The following SMARCA4 variants were observed in gnomAD, a reference collection of about 807,000 sequenced individuals.
The protein encoded by SMARCA4 is SWI/SNF related BAF chromatin remodeling complex subunit ATPase 4, also known as SWI/SNF-related matrix-associated actin-dependent regulator of chromatin subfamily A member 4.
In SMARCA4, 31 loss-of-function variants were observed where a neutral mutation model predicts 193.9. The ratio of observed to expected loss-of-function variants is 0.16; its 90% confidence interval spans 0.12 to 0.22. The LOEUF (loss-of-function observed/expected upper bound fraction) is 0.22. Ranked by LOEUF, SMARCA4 falls within the 10% of genes least tolerant of loss-of-function variation. The probability of loss-of-function intolerance (pLI) is 1.00; values close to 1 mark genes in which losing one functional copy is unlikely to be tolerated. For synonymous variants in SMARCA4, 942 were observed against 933.1 expected, an observed-to-expected ratio of 1.01 and a Z score of -0.17; for missense variants, 1,148 against 2,296.0, an observed-to-expected ratio of 0.50 and a Z score of 10.22.
chr19:10,975,678 A>G (rs2085072582), intron 1 of SMARCA4, among the ~76,000 whole-genome samples: 1 of 152,116 alleles, frequency 6.6e-6, no homozygotes, highest in South Asian at 2.1e-4. Flanking sequence ...TTGCTGGGCA[A>G]TTGAGGAGCT....
At chr19:11,017,418 C>T (rs575527550) in intron 16 of SMARCA4, among the ~76,000 whole-genome samples, 3 of 152,388 alleles carry the variant, frequency 2.0e-5, no homozygotes, top group Admixed American at 1.3e-4. Flanking sequence ...CCCACTGCGC[C>T]CCACCTGGGC....
At chr19:11,059,447 A>G (rs1264192104) in intron 32 of SMARCA4, among the ~76,000 whole-genome samples, 1 of 152,248 alleles carries the variant, frequency 6.6e-6, no homozygotes, top group African/African-American at 2.4e-5. Context: ...TGTATTTCCA[A>G]TGTTATTGCA....
chr19:11,031,172 T>C lies in SMARCA4; in HGVS notation c.3546+279T>C, dbSNP rs1459393026. 5 of 465,140 alleles carry C rather than the reference T, an allele frequency of 1.1e-5. No individual in the cohort carries two copies. The highest frequency in any genetic ancestry group is 8.2e-5 in the South Asian group (4 of 48,498). 28.8% of individuals were successfully genotyped at this position (465,140 alleles called of 1,614,324 possible). A position where few individuals can be genotyped will look rare whatever the true frequency, so the allele number is the denominator to read the frequency against. On this transcript the variant is annotated intron_variant, in intron 25 of 34. Coordinates refer to ENST00000344626, the MANE Select transcript of SMARCA4 (RefSeq NM_003072.5). The surrounding 1 kb of genome is among the most constrained non-coding windows in gnomAD (Gnocchi z 4.3). ...TTCTTAAATCTTGGAATGGCACCCATGAGGAGGTGGAAAGTATCCTGATCA... is the reference window on the plus strand; with the variant it reads ...TTCTTAAATCTTGGAATGGCACCCACGAGGAGGTGGAAAGTATCCTGATCA...
chr19:11,035,272 C>T (rs894263069), intron 29 of SMARCA4, 140 bp downstream of exon 29: 1 of 819,582 alleles, frequency 1.2e-6, no homozygotes, highest in South Asian at 1.5e-5. Flanking sequence ...CGCAGGCAGC[C>T]GAGAGCCTTC....
At chr19:10,967,437 A>T (rs1271359292) in intron 1 of SMARCA4, among the ~76,000 whole-genome samples, 1 of 151,972 alleles carries the variant, frequency 6.6e-6, no homozygotes, top group African/African-American at 2.4e-5. Context: ...CAGCCTCCTG[A>T]GTAGCTGGGA....
At chr19:11,016,331 T>C (rs549906154) in intron 16 of SMARCA4, among the ~76,000 whole-genome samples, 15 of 152,074 alleles carry the variant, frequency 9.9e-5, no homozygotes, top group Non-Finnish European at 2.1e-4. Flanking sequence ...ACCTCCAACA[T>C]TGGAAATCAG....
At chr19:10,992,877 C>T (rs1352230524) in intron 8 of SMARCA4, among the ~76,000 whole-genome samples, 1 of 151,982 alleles carries the variant, frequency 6.6e-6, no homozygotes, top group Non-Finnish European at 1.5e-5. Flanking sequence ...AGACGTGAGC[C>T]ACTGCTCCTG....
chr19:10,993,700 C>T (rs1007643152), intron 8 of SMARCA4, among the ~76,000 whole-genome samples: 3 of 151,532 alleles, frequency 2.0e-5, no homozygotes, highest in African/African-American at 7.3e-5. Flanking sequence ...CGCTGGAGTG[C>T]AGTGGCGCGA....
In SMARCA4 at chr19:11,030,647, C is replaced by A; in HGVS notation, c.3383-83C>A. On this transcript the variant is annotated intron_variant, in intron 24 of 34. Coordinates refer to ENST00000344626, the MANE Select transcript of SMARCA4 (RefSeq NM_003072.5). This position sits in a 1 kb window ranked among gnomAD's most constrained non-coding sequence, Gnocchi z 5.5. ...CTGGCAGGTGCTGATCCTGCTCCTGCTCTCAGAAGCAGGTGTTCCTTGGTG... is the reference window on the plus strand; with the variant it reads ...CTGGCAGGTGCTGATCCTGCTCCTGATCTCAGAAGCAGGTGTTCCTTGGTG... 7.8e-7 allele frequency: 1 copy of A among 1,288,828 alleles called. No homozygotes were observed. Among genetic ancestry groups the A allele is most frequent in the Non-Finnish European group, 1.1e-6 (1 of 913,720 alleles). The allele number at this position is 1,288,828 out of a possible 1,614,324, so 79.8% of individuals were successfully genotyped here. A position where few individuals can be genotyped will look rare whatever the true frequency, so the allele number is the denominator to read the frequency against.
In SMARCA4 at chr19:11,030,190, A is replaced by G. The variant is rs2074826733; in HGVS notation, c.3383-540A>G. 6.6e-6 allele frequency among the ~76,000 whole-genome samples: 1 copy of G among 152,146 alleles called. No individual in the cohort carries two copies. On this transcript the variant is annotated intron_variant, in intron 24 of 34. Transcript: ENST00000344626. This position sits in a 1 kb window ranked among gnomAD's most constrained non-coding sequence, Gnocchi z 5.5. ...GCCAGAAAGGACACGAGCCCCCTTTATAAGGTCTCCATGCTTTTACCGTAG... is the reference window on the plus strand; with the variant it reads ...GCCAGAAAGGACACGAGCCCCCTTTGTAAGGTCTCCATGCTTTTACCGTAG...
At chr19:10,975,826 G>T (rs942548244) in intron 1 of SMARCA4, among the ~76,000 whole-genome samples, 1 of 152,154 alleles carries the variant, frequency 6.6e-6, no homozygotes, top group Admixed American at 6.5e-5. Flanking sequence ...TTCACTTCCG[G>T]TCATTCCTTC....
Position 10,987,731 on chromosome 19 carries a change from G to A in SMARCA4, c.925G>A (p.Gly309Ser), listed in dbSNP as rs773701962. Residue 309 changes from glycine to serine, a missense_variant, in exon 6 of 35, where the codon GGC (glycine) becomes AGC (serine). Around this residue, in one of 17 missense-constraint regions of SMARCA4, gnomAD observed 257 missense variants for 276.5 expected, o/e 0.93. Coordinates refer to ENST00000344626, the MANE Select transcript of SMARCA4 (RefSeq NM_003072.5). The surrounding 1 kb of genome is among the most constrained non-coding windows in gnomAD (Gnocchi z 5.3). The part of the protein sequence containing the change: ...PQKLIPPQPT[G>S]RPSPAPPAVP... The stretch of plus-strand genomic sequence containing the variant: ...GAAGCTGATTCCCCCGCAGCCAACG[G>A]GCCGCCCTTCCCCCGCGCCCCCTGC... 2 of 1,608,020 alleles carry A rather than the reference G, an allele frequency of 1.2e-6. No homozygotes were observed. The highest frequency in any genetic ancestry group is 2.7e-5 in the African/African-American group (2 of 74,746).
intron 30 of SMARCA4, among the ~76,000 whole-genome samples, chr19:11,046,694 C>T (rs1363177236): frequency 6.6e-6 from 1 of 152,160 alleles, no homozygotes; most frequent in East Asian, 1.9e-4. Context: ...GTGGTCACGC[C>T]TGTAATCCCA....
At chr19:11,046,488 T>C (rs1030936980) in intron 30 of SMARCA4, among the ~76,000 whole-genome samples, 5 of 152,146 alleles carry the variant, frequency 3.3e-5, no homozygotes, top group African/African-American at 1.2e-4. Flanking sequence ...GGGTCGCCCA[T>C]TGGACTGGGA....
At position 10,964,884 on chromosome 19, in the gene SMARCA4, G is replaced by A. The variant is rs75014601; in HGVS notation, c.-32+3710G>A. ...AATCTGCCCACCTCGGCCTCCCAAA[G>A]TGTTGGGATTATAGGCGTGAGCCAC... On this transcript the variant is annotated intron_variant, in intron 1 of 34. Coordinates refer to ENST00000344626, the MANE Select transcript of SMARCA4 (RefSeq NM_003072.5). Among the ~76,000 whole-genome samples the A allele has an allele frequency of 0.033, 5,044 of 152,238 alleles. 396 individuals carry two copies. The East Asian group carries it at 0.35, about 10-fold the overall frequency.
chr19:10,998,804 C>T (rs1231011754), intron 11 of SMARCA4, among the ~76,000 whole-genome samples: 1 of 152,062 alleles, frequency 6.6e-6, no homozygotes, highest in Non-Finnish European at 1.5e-5. Flanking sequence ...GCCCACCATT[C>T]CTGGAGCACT....
intron 1 of SMARCA4, among the ~76,000 whole-genome samples, chr19:10,966,286 G>C (rs886559355): frequency 6.6e-6 from 1 of 152,012 alleles, no homozygotes; most frequent in African/African-American, 2.4e-5. Flanking sequence ...GCCCGGCCAG[G>C]TTTTTAAAAA....
At chr19:10,978,242 C>G (rs1027232200) in intron 1 of SMARCA4, among the ~76,000 whole-genome samples, 1 of 152,188 alleles carries the variant, frequency 6.6e-6, no homozygotes, top group African/African-American at 2.4e-5. Context: ...TTACGGTAGA[C>G]GAGGATTTCT....
chr19:11,006,368 G>T (rs1200269676), intron 13 of SMARCA4, among the ~76,000 whole-genome samples: 2 of 152,206 alleles, frequency 1.3e-5, no homozygotes, highest in Non-Finnish European at 2.9e-5. Context: ...GCCTCTTGTC[G>T]CCAGTGTTAT....
Sources: allele counts gnomAD v4.1 joint callset (sites outside exome capture counted in the v4.1 genomes callset), GRCh38; gene constraint gnomAD v4.1.1; regional missense constraint gnomAD v4.1.1; non-coding constraint Gnocchi (gnomAD v3.1); transcripts MANE v1.5; gene names NCBI Gene and HGNC (gene_info 2026-07-23, HGNC 2026-07-21).